The following USP6NL variants were observed in gnomAD, a reference collection of about 807,000 sequenced individuals.
USP6NL encodes USP6 N-terminal like, also known as USP6 N-terminal-like protein.
Under a neutral mutation model 61.9 loss-of-function variants are expected in USP6NL, and 26 were observed. The observed-to-expected ratio is 0.42, with a 90% CI of 0.31 to 0.58. The LOEUF (loss-of-function observed/expected upper bound fraction) is 0.58, where lower values mean the gene tolerates loss of function less well. Ranked by LOEUF, USP6NL falls within the 20% of genes least tolerant of loss-of-function variation. The pLI is 0.16. For synonymous variants in USP6NL, 432 were observed against 390.1 expected (o/e 1.11, Z -1.27); for missense variants, 1,114 against 1,034.3 (o/e 1.08, Z -1.06).
chr10:11,485,490 C>T lies in USP6NL; in HGVS notation c.760-256G>A, dbSNP rs1476085471. ...AGGCATATATATAGTTCACTAACAACGAGTTTCTGTGACCCTGAAAAAATA... is the reference window on the plus strand; with the variant it reads ...AGGCATATATATAGTTCACTAACAATGAGTTTCTGTGACCCTGAAAAAATA... On this transcript the variant is annotated intron_variant, in intron 11 of 14. Coordinates refer to ENST00000609104, the MANE Select transcript of USP6NL (RefSeq NM_014688.5). The surrounding 1 kb of genome is among the most constrained non-coding windows in gnomAD (Gnocchi z 4.8). Among the ~76,000 whole-genome samples, 2 of 152,072 alleles carry T rather than the reference C, an allele frequency of 1.3e-5. No individual in the cohort carries two copies. Among genetic ancestry groups the T allele is most frequent in the African/African-American group, 2.4e-5 (1 of 41,418 alleles).
At chr10:11,500,954 A>T in intron 7 of USP6NL, 147 bp downstream of exon 7, 1 of 565,152 alleles carries the variant, frequency 1.8e-6, no homozygotes, top group Non-Finnish European at 2.8e-6. Flanking sequence ...CAATCAAGAA[A>T]ACAAATAGAC....
chr10:11,536,013 G>T (rs1422773411), intron 2 of USP6NL, among the ~76,000 whole-genome samples: 3 of 152,172 alleles, frequency 2.0e-5, no homozygotes, highest in Admixed American at 1.3e-4. Context: ...CAGTGAAGCA[G>T]ATTAACATCA....
chr10:11,530,829 T>A (rs917948119), intron 2 of USP6NL, among the ~76,000 whole-genome samples: 1 of 152,258 alleles, frequency 6.6e-6, no homozygotes, highest in Non-Finnish European at 1.5e-5. Flanking sequence ...GGGTTTGCTA[T>A]AGTTAAATTA....
In USP6NL at chr10:11,589,618, T is replaced by C. The variant is rs1838093918; in HGVS notation, c.4+8013A>G. Among the ~76,000 whole-genome samples the C allele has an allele frequency of 6.6e-6, 1 of 152,214 alleles. No homozygotes were observed. The highest frequency in any genetic ancestry group is 2.4e-5 in the African/African-American group (1 of 41,462). On this transcript the variant is annotated intron_variant, in intron 2 of 14. Coordinates refer to ENST00000609104, the MANE Select transcript of USP6NL (RefSeq NM_014688.5). The surrounding 1 kb of genome is among the most constrained non-coding windows in gnomAD (Gnocchi z 4.7). ...ACTAGAACATAACTAGGTTCACCAG[T>C]GAAGAGATCAAACACAGTGCTTTAC... is the stretch of plus-strand genomic sequence containing the variant.
At chr10:11,610,419 T>C (rs1047208481) in intron 1 of USP6NL, among the ~76,000 whole-genome samples, 1 of 152,204 alleles carries the variant, frequency 6.6e-6, no homozygotes, top group Non-Finnish European at 1.5e-5. Context: ...AAAAGAACAC[T>C]GACTTCCCCC....
chr10:11,536,114 G>C (rs1835821901), intron 2 of USP6NL, among the ~76,000 whole-genome samples: 1 of 152,208 alleles, frequency 6.6e-6, no homozygotes. Flanking sequence ...CTCTGGTCAA[G>C]ATGAAATATG....
At position 11,464,000 on chromosome 10, in the gene USP6NL, AC is replaced by A. The variant is rs1408392401; in HGVS notation, c.1079-152del. Among the ~76,000 whole-genome samples the A allele has an allele frequency of 6.6e-6, 1 of 152,196 alleles. No individual in the cohort carries two copies. The highest frequency in any genetic ancestry group is 2.4e-5 in the African/African-American group (1 of 41,458). On this transcript the variant is annotated intron_variant, in intron 14 of 14. Coordinates refer to ENST00000609104, the MANE Select transcript of USP6NL (RefSeq NM_014688.5). This position sits in a 1 kb window ranked among gnomAD's most constrained non-coding sequence, Gnocchi z 6.3. ...TGTCATACAACACACTGTTTATACCACTTACACACACTGTTTATACCACAGA... is the reference window on the plus strand; with the variant it reads ...TGTCATACAACACACTGTTTATACCATTACACACACTGTTTATACCACAGA...
chr10:11,580,856 G>A (rs984291119), intron 2 of USP6NL, among the ~76,000 whole-genome samples: 2 of 146,374 alleles, frequency 1.4e-5, no homozygotes, highest in South Asian at 2.2e-4. Context: ...GATGAATGAC[G>A]AACGGATAGA....
At chr10:11,609,701 G>A (rs1275264082) in intron 1 of USP6NL, among the ~76,000 whole-genome samples, 1 of 152,170 alleles carries the variant, frequency 6.6e-6, no homozygotes, top group Non-Finnish European at 1.5e-5. Flanking sequence ...ACACACATGG[G>A]CACATGGTGG....
rs1834797845 is a variant in USP6NL at position 11,513,139 on chromosome 10, G to C, written c.196-3464C>G. On this transcript the variant is annotated intron_variant, in intron 5 of 14. Transcript: ENST00000609104. This position sits in a 1 kb window ranked among gnomAD's most constrained non-coding sequence, Gnocchi z 4.7. ...AAGTTAAACATTTAAAAATTAAACA[G>C]AATTTACATAAGAAAAAACAACTGA... Among the ~76,000 whole-genome samples the C allele has an allele frequency of 6.6e-6, 1 of 151,958 alleles. No individual in the cohort carries two copies. Among genetic ancestry groups the C allele is most frequent in the Admixed American group, 6.6e-5 (1 of 15,262 alleles).
At chr10:11,579,872 TACAATACACAG>T (rs932785264) in intron 2 of USP6NL, among the ~76,000 whole-genome samples, 7 of 149,132 alleles carry the variant, frequency 4.7e-5, no homozygotes, top group African/African-American at 1.5e-4. Context: ...AACTCTATTG[TACAATACACAG>T]ACAATACACA....
intron 2 of USP6NL, among the ~76,000 whole-genome samples, chr10:11,551,642 G>C (rs979573072): frequency 6.6e-6 from 1 of 152,224 alleles, no homozygotes; most frequent in Admixed American, 6.5e-5. Flanking sequence ...CATGGCTACT[G>C]AGTGGTGGTG....
At chr10:11,517,248 C>G (rs929900425) in intron 5 of USP6NL, among the ~76,000 whole-genome samples, 2 of 152,152 alleles carry the variant, frequency 1.3e-5, no homozygotes, top group Non-Finnish European at 2.9e-5. Context: ...AGTGTGAGAA[C>G]AAATCCTTAC....
intron 2 of USP6NL, among the ~76,000 whole-genome samples, chr10:11,560,702 A>AT (rs1332996829): frequency 8.2e-6 from 1 of 122,610 alleles, no homozygotes; most frequent in Non-Finnish European, 1.8e-5. Flanking sequence ...AACAGTAAAA[A>AT]ATATATATAT....
chr10:11,529,273 T>G (rs952608204), intron 2 of USP6NL, among the ~76,000 whole-genome samples: 3 of 152,184 alleles, frequency 2.0e-5, no homozygotes, highest in Admixed American at 2.0e-4. Context: ...GCACTGATAA[T>G]ACTCAATGTT....
chr10:11,493,183 T>C lies in USP6NL; in HGVS notation c.430A>G (p.Ile144Val). 3.1e-6 allele frequency: 5 copies of C among 1,612,688 alleles called. No homozygotes were observed. Among genetic ancestry groups the C allele is most frequent in the Non-Finnish European group, 2.5e-6 (3 of 1,179,284 alleles). Residue 144 changes from isoleucine (I) to valine (V), a missense_variant, in exon 8 of 15, where the codon ATA (isoleucine) becomes GTA (valine). Coordinates refer to ENST00000609104, the MANE Select transcript of USP6NL (RefSeq NM_014688.5). ...ARGCSPDIRQ[I>V]DLDVNRTFRD... ...AATGTGCGGTTGACATCCAGGTCTA[T>C]TTGTCTGATGTCAGGTGAACAGCCC...
At position 11,562,211 on chromosome 10, in the gene USP6NL, G is replaced by A. The variant is rs1313513224; in HGVS notation, c.5-34644C>T. Among the ~76,000 whole-genome samples the A allele has an allele frequency of 3.3e-5, 5 of 150,326 alleles. No homozygotes were observed. The highest frequency in any genetic ancestry group is 2.1e-4 in the South Asian group (1 of 4,770). On this transcript the variant is annotated intron_variant, in intron 2 of 14. Transcript: ENST00000609104. This position sits in a 1 kb window ranked among gnomAD's most constrained non-coding sequence, Gnocchi z 4.8. ...CGGTAGGCGGAGGTTGCAGTGAGCC[G>A]AGATCGCACCACTGCACGCCAGCCT...
chr10:11,509,381 T>C (rs1253538162), intron 6 of USP6NL, among the ~76,000 whole-genome samples: 1 of 152,194 alleles, frequency 6.6e-6, no homozygotes, highest in African/African-American at 2.4e-5. Flanking sequence ...CTCTGAACCA[T>C]TCAATACAGA....
chr10:11,600,883 G>C lies in USP6NL; in HGVS notation c.-83-3166C>G, dbSNP rs1211780463. ...CTGGAGAGGCTGAGGCAAGAGAATT[G>C]CTTGAGCCTGGGAGGTGGAGGCTGC... On this transcript the variant is annotated intron_variant, in intron 1 of 14. Coordinates refer to ENST00000609104, the MANE Select transcript of USP6NL (RefSeq NM_014688.5). The surrounding 1 kb of genome is among the most constrained non-coding windows in gnomAD (Gnocchi z 4.1). Among the ~76,000 whole-genome samples, 1 of 152,022 alleles carries C rather than the reference G, an allele frequency of 6.6e-6. No individual in the cohort carries two copies. Among genetic ancestry groups the C allele is most frequent in the Non-Finnish European group, 1.5e-5 (1 of 67,996 alleles).
Sources: gnomAD v4.1 joint callset for allele counts (sites outside exome capture counted in the v4.1 genomes callset) on GRCh38, gnomAD v4.1.1 for gene constraint, Gnocchi (gnomAD v3.1) non-coding constraint, MANE v1.5 for transcripts, NCBI Gene and HGNC (gene_info 2026-07-23, HGNC 2026-07-21) for gene names.